Variants in SPAG16 observed in about 807,000 individuals in gnomAD.
SPAG16 encodes sperm associated antigen 16.
SPAG16 carries 86 observed loss-of-function variants against 80.4 expected under a neutral mutation model. The observed-to-expected ratio is 1.07, with a 90% CI of 0.90 to 1.28. SPAG16 has a LOEUF of 1.28. SPAG16 is among the 50% of genes most tolerant of loss of function. The pLI, the probability that SPAG16 is intolerant of heterozygous loss-of-function variation, is 0.00. For missense variants in SPAG16, 870 were observed against 765.3 expected, an observed-to-expected ratio of 1.14 and a Z score of -1.61; for synonymous variants, 294 against 265.9, an observed-to-expected ratio of 1.11 and a Z score of -1.03.
At chr2:213,552,008 G>T (rs2076793874) in intron 10 of SPAG16, among the ~76,000 whole-genome samples, 1 of 152,088 alleles carries the variant, frequency 6.6e-6, no homozygotes. Context: ...GCTACTCCAA[G>T]TTTGGGCATA....
chr2:213,523,164 T>C (rs4673744), intron 10 of SPAG16, among the ~76,000 whole-genome samples: 152,242 of 152,280 alleles, frequency 1, 76,102 homozygotes, highest in Middle Eastern at 1. Context: ...GCAGTAACCC[T>C]GATGCTGCTG....
rs146889737 is a variant in SPAG16, at chr2:214,101,485, G to A, written c.1528-6711G>A. On this transcript the variant is annotated intron_variant, in intron 13 of 15. Coordinates refer to ENST00000331683, the MANE Select transcript of SPAG16 (RefSeq NM_024532.5). Reference sequence around the variant, plus strand: ...ACCTATCATTAACTGCTGAAAATGCGAAGTTGGGAAGAGCCTGAGAGGAGT... The same window carrying A: ...ACCTATCATTAACTGCTGAAAATGCAAAGTTGGGAAGAGCCTGAGAGGAGT... 3.5e-3 allele frequency among the ~76,000 whole-genome samples: 539 copies of A among 152,054 alleles called. 4 individuals are homozygous for A. The highest frequency in any genetic ancestry group is 0.012 in the African/African-American group (490 of 41,396).
intron 13 of SPAG16, 29 bp downstream of exon 13, chr2:214,014,106 G>A: frequency 6.2e-7 from 1 of 1,608,356 alleles, no homozygotes; most frequent in Non-Finnish European, 8.5e-7. Context: ...TTTTTTCCCA[G>A]CTTTTGATAA....
intron 6 of SPAG16, among the ~76,000 whole-genome samples, chr2:213,344,994 T>C (rs1304151182): frequency 8.6e-5 from 13 of 151,914 alleles, no homozygotes; most frequent in East Asian, 3.9e-4. Context: ...TACAGTCCCA[T>C]CAACAGTGTA....
chr2:213,620,281 GTTTTTTTT>G (rs36059669), intron 10 of SPAG16, among the ~76,000 whole-genome samples: 3 of 82,822 alleles, frequency 3.6e-5, no homozygotes, highest in Admixed American at 1.5e-4. Context: ...AATTTATTGA[GTTTTTTTT>G]TTTTTTTTTT....
intron 12 of SPAG16, among the ~76,000 whole-genome samples, chr2:214,012,288 A>ATATATATTTT (rs1553694500): frequency 8.5e-5 from 4 of 46,818 alleles, no homozygotes; most frequent in African/African-American, 3.7e-4. Context: ...ATATATATAT[A>ATATATATTTT]TTTTTTTTTT....
chr2:213,442,698 G>T (rs577091051), intron 9 of SPAG16, among the ~76,000 whole-genome samples: 65 of 152,202 alleles, frequency 4.3e-4, no homozygotes, highest in African/African-American at 1.5e-3. Context: ...AAAGGCTGCT[G>T]GAACAATTGG....
Position 213,576,867 on chromosome 2 carries a change from G to A in SPAG16, c.1070+86777G>A, listed in dbSNP as rs958597611. On this transcript the variant is annotated intron_variant, in intron 10 of 15. Coordinates refer to ENST00000331683, the MANE Select transcript of SPAG16 (RefSeq NM_024532.5). Reference sequence around the variant, plus strand: ...GGGTGGAGGGTGGGAGGAAGGAGAGGATCAGGAGAAATAACAAATGGGTAT... The same window carrying A: ...GGGTGGAGGGTGGGAGGAAGGAGAGAATCAGGAGAAATAACAAATGGGTAT... Among the ~76,000 whole-genome samples the A allele has an allele frequency of 1.1e-4, 16 of 152,160 alleles. No individual in the cohort carries two copies. The East Asian group carries it at 3.1e-3, about 29-fold the overall frequency.
chr2:214,187,720 A>C (rs986274627), intron 15 of SPAG16, among the ~76,000 whole-genome samples: 4 of 152,144 alleles, frequency 2.6e-5, no homozygotes, highest in Non-Finnish European at 4.4e-5. Context: ...CGCCTAACCA[A>C]ATCTTGGCTA....
chr2:213,436,993 G>C (rs1047207516), intron 9 of SPAG16, among the ~76,000 whole-genome samples: 1 of 151,546 alleles, frequency 6.6e-6, no homozygotes, highest in African/African-American at 2.4e-5. Context: ...TTCACTGCAA[G>C]CTCCGCCTCC....
intron 7 of SPAG16, among the ~76,000 whole-genome samples, chr2:213,358,104 T>C (rs1187417484): frequency 6.6e-6 from 1 of 152,216 alleles, no homozygotes. Context: ...TTCTGGCTTG[T>C]AGGGTTTCTG....
intron 10 of SPAG16, among the ~76,000 whole-genome samples, chr2:213,689,702 T>C (rs2125290779): frequency 6.6e-6 from 1 of 152,300 alleles, no homozygotes; most frequent in Non-Finnish European, 1.5e-5. Context: ...CAGGTGGCTC[T>C]TTTCATATCC....
At chr2:213,342,617 C>G (rs1376508454) in intron 6 of SPAG16, among the ~76,000 whole-genome samples, 2 of 151,694 alleles carry the variant, frequency 1.3e-5, no homozygotes, top group Non-Finnish European at 2.9e-5. Flanking sequence ...ATAAAAAGCT[C>G]TGTTTTAATT....
chr2:213,585,338 G>A (rs535947538), intron 10 of SPAG16, among the ~76,000 whole-genome samples: 1 of 148,220 alleles, frequency 6.7e-6, no homozygotes, highest in Non-Finnish European at 1.5e-5. Context: ...GTGCAGTGGT[G>A]CGATCTTGGC....
intron 9 of SPAG16, among the ~76,000 whole-genome samples, chr2:213,469,574 T>TTG (rs1180701556): frequency 2.4e-5 from 3 of 124,426 alleles, no homozygotes; most frequent in African/African-American, 1.3e-4. Flanking sequence ...CAGCAGGTTT[T>TTG]TTTTTTTTTT....
chr2:214,305,723 T>A (rs1284662612), intron 15 of SPAG16, among the ~76,000 whole-genome samples: 2 of 152,184 alleles, frequency 1.3e-5, no homozygotes, highest in Admixed American at 1.3e-4. Flanking sequence ...TCTGTTCCAC[T>A]GCTCTATGTG....
intron 11 of SPAG16, among the ~76,000 whole-genome samples, chr2:213,891,228 T>C (rs1342465095): frequency 1.3e-5 from 2 of 152,142 alleles, no homozygotes; most frequent in African/African-American, 2.4e-5. Context: ...AGTCAATTGA[T>C]GGACACTTTG....
chr2:213,749,853 TTA>T (rs1188510370), intron 10 of SPAG16, among the ~76,000 whole-genome samples: 1 of 152,196 alleles, frequency 6.6e-6, no homozygotes, highest in Non-Finnish European at 1.5e-5. Flanking sequence ...CACCTGTTTT[TTA>T]TATGACTTAC....
At chr2:213,366,414 TAAAGAA>T (rs988236642) in intron 8 of SPAG16, among the ~76,000 whole-genome samples, 25 of 151,664 alleles carry the variant, frequency 1.6e-4, no homozygotes, top group African/African-American at 6.0e-4. Context: ...TTTTAATTTA[TAAAGAA>T]AAAGAAAAAG....
Sources: gnomAD v4.1 joint callset for allele counts (sites outside exome capture counted in the v4.1 genomes callset) on GRCh38, gnomAD v4.1.1 for gene constraint, MANE v1.5 for transcripts, NCBI Gene and HGNC (gene_info 2026-07-23, HGNC 2026-07-21) for gene names.